Variants in ARHGAP25 observed in about 807,000 individuals in gnomAD.
ARHGAP25 encodes the protein Rho GTPase activating protein 25.
A neutral mutation model predicts 71.0 loss-of-function variants in ARHGAP25; 34 were observed. The observed-to-expected ratio is 0.48, with a 90% confidence interval of 0.36 to 0.64. ARHGAP25 has a LOEUF of 0.64. Ranked by LOEUF, ARHGAP25 falls within the 30% of genes least tolerant of loss-of-function variation. The pLI is 0.00. For missense variants in ARHGAP25, 706 were observed against 805.1 expected, an observed-to-expected ratio of 0.88 and a Z score of 1.49; for synonymous variants, 282 against 296.5, an observed-to-expected ratio of 0.95 and a Z score of 0.50.
At chr2:68,757,083 C>G (rs1225953554) in intron 1 of ARHGAP25, among the ~76,000 whole-genome samples, 1 of 151,804 alleles carries the variant, frequency 6.6e-6, no homozygotes, top group Non-Finnish European at 1.5e-5. Flanking sequence ...AAAGAATCAA[C>G]AAACTTGTAG....
At chr2:68,751,591 A>G (rs888413702) in intron 1 of ARHGAP25, among the ~76,000 whole-genome samples, 7 of 152,212 alleles carry the variant, frequency 4.6e-5, no homozygotes, top group African/African-American at 1.7e-4. Context: ...TATCAGGTTT[A>G]TATTCAGTGT....
intron 2 of ARHGAP25, among the ~76,000 whole-genome samples, chr2:68,729,299 A>G (rs1215482479): frequency 6.6e-6 from 1 of 152,230 alleles, no homozygotes; most frequent in Non-Finnish European, 1.5e-5. Context: ...CAGGTGAAGA[A>G]CAAACATGAG....
intron 3 of ARHGAP25, among the ~76,000 whole-genome samples, chr2:68,786,731 A>G (rs984338863): frequency 6.6e-6 from 1 of 152,252 alleles, no homozygotes; most frequent in East Asian, 1.9e-4. Flanking sequence ...GGTCCAAGAG[A>G]CCAGAACCAA....
At chr2:68,735,290 T>A in intron 1 of ARHGAP25, 30 bp downstream of exon 1, 1 of 1,604,928 alleles carries the variant, frequency 6.2e-7, no homozygotes, top group Non-Finnish European at 8.5e-7. Context: ...GTTGCCTCTG[T>A]GATTCTTACG....
At chr2:68,778,933 C>T (rs534248233) in intron 2 of ARHGAP25, among the ~76,000 whole-genome samples, 2 of 152,312 alleles carry the variant, frequency 1.3e-5, no homozygotes, top group South Asian at 2.1e-4. Flanking sequence ...CCAGTTTTAA[C>T]GGTTTAAGGC....
At chr2:68,806,856 G>A (rs1680409901) in intron 4 of ARHGAP25, among the ~76,000 whole-genome samples, 1 of 152,184 alleles carries the variant, frequency 6.6e-6, no homozygotes, top group Non-Finnish European at 1.5e-5. Context: ...GGAGTTCACT[G>A]CCTAGGCCTG....
chr2:68,809,237 C>T (rs981227545), intron 5 of ARHGAP25, among the ~76,000 whole-genome samples: 1 of 152,136 alleles, frequency 6.6e-6, no homozygotes, highest in African/African-American at 2.4e-5. Flanking sequence ...TACTCCCCTA[C>T]TTCTCATTCC....
chr2:68,727,611 ACT>A (rs1162198467), intron 2 of ARHGAP25, among the ~76,000 whole-genome samples: 6 of 152,076 alleles, frequency 3.9e-5, no homozygotes, highest in African/African-American at 1.4e-4. Context: ...TCACCTTCTG[ACT>A]CTCCTGGAGT....
intron 1 of ARHGAP25, among the ~76,000 whole-genome samples, chr2:68,747,127 CTCG>C (rs1312291164): frequency 6.6e-6 from 1 of 151,800 alleles, no homozygotes; most frequent in African/African-American, 2.4e-5. Context: ...AGCATCTGTC[CTCG>C]TCTTACTCAA....
chr2:68,821,182 G>A (rs1420599435), intron 9 of ARHGAP25, among the ~76,000 whole-genome samples: 2 of 134,726 alleles, frequency 1.5e-5, no homozygotes, highest in Non-Finnish European at 1.5e-5. Flanking sequence ...CTGCAGCCTT[G>A]ACCTCCTGCT....
At chr2:68,774,726 C>G in intron 1 of ARHGAP25, 5 of 1,007,386 alleles carry the variant, frequency 5.0e-6, no homozygotes, top group Non-Finnish European at 5.9e-6. Flanking sequence ...GTCTTGCGGC[C>G]CCTCCTCTAG....
At chr2:68,719,357 C>T (rs1674695386) in intron 2 of ARHGAP25, among the ~76,000 whole-genome samples, 1 of 147,982 alleles carries the variant, frequency 6.8e-6, no homozygotes, top group Non-Finnish European at 1.5e-5. Flanking sequence ...ATGCTAACTC[C>T]AGGTAGATAG....
At chr2:68,773,227 T>C (rs1405314409) in intron 1 of ARHGAP25, among the ~76,000 whole-genome samples, 1 of 152,174 alleles carries the variant, frequency 6.6e-6, no homozygotes, top group Non-Finnish European at 1.5e-5. Context: ...ACAGAAAGAC[T>C]CTGTAATGCC....
In ARHGAP25 at chr2:68,767,259, A is replaced by T. The variant is rs1178993671; in HGVS notation, c.62-7962A>T. ...TCAAAAGAATGATGGGTGCTTTTCAATGGGGGGGTGGCGTTTGCTTTGAAG... is the reference window on the plus strand; with the variant it reads ...TCAAAAGAATGATGGGTGCTTTTCATTGGGGGGGTGGCGTTTGCTTTGAAG... On this transcript the variant is annotated intron_variant, in intron 1 of 10. Transcript: ENST00000409202. The surrounding 1 kb of genome is among the most constrained non-coding windows in gnomAD (Gnocchi z 4.6). 1.3e-5 allele frequency among the ~76,000 whole-genome samples: 2 copies of T among 152,064 alleles called. No individual in the cohort carries two copies. Among genetic ancestry groups the T allele is most frequent in the African/African-American group, 4.8e-5 (2 of 41,372 alleles).
intron 2 of ARHGAP25, among the ~76,000 whole-genome samples, chr2:68,710,856 C>A (rs1356166859): frequency 6.6e-6 from 1 of 152,098 alleles, no homozygotes; most frequent in African/African-American, 2.4e-5. Flanking sequence ...GAGATGGAGG[C>A]AAAATTGGCT....
At chr2:68,712,506 A>G (rs1674510005) in intron 2 of ARHGAP25, among the ~76,000 whole-genome samples, 1 of 152,170 alleles carries the variant, frequency 6.6e-6, no homozygotes, top group African/African-American at 2.4e-5. Flanking sequence ...GAAGCTCTTT[A>G]GTTTAATTAG....
chr2:68,766,268 C>T (rs996975474), intron 1 of ARHGAP25, among the ~76,000 whole-genome samples: 6 of 152,218 alleles, frequency 3.9e-5, no homozygotes, highest in South Asian at 2.1e-4. Flanking sequence ...CTTACACTAA[C>T]GCCTGGGAAA....
upstream of ARHGAP25, among the ~76,000 whole-genome samples, chr2:68,730,452 T>G (rs997124401): frequency 6.6e-6 from 1 of 152,112 alleles, no homozygotes; most frequent in Non-Finnish European, 1.5e-5. Flanking sequence ...GAGACCAGCC[T>G]GGGCAACATA....
chr2:68,734,825 ACCT>A lies in ARHGAP25; in HGVS notation c.-373_-371del, dbSNP rs1159087005. The A allele has an allele frequency of 4.2e-5, 11 of 259,828 alleles. No individual in the cohort carries two copies. In the East Asian group the frequency reaches 9.5e-4, roughly 22 times the overall value. 16.1% of individuals were successfully genotyped at this position (259,828 alleles called of 1,614,324 possible). On this transcript the variant is annotated 5_prime_UTR_variant, in exon 1 of 11. Coordinates refer to ENST00000409202, the MANE Select transcript of ARHGAP25 (RefSeq NM_001007231.3). ...CAAGAGGCAGCAGTTGTTTATCACG[ACCT>A]CAACTCAGTAAGGCCTGAGATTCTT...
Sources: gnomAD v4.1 joint callset for allele counts (sites outside exome capture counted in the v4.1 genomes callset) on GRCh38, gnomAD v4.1.1 for gene constraint, Gnocchi (gnomAD v3.1) non-coding constraint, MANE v1.5 for transcripts, NCBI Gene and HGNC (gene_info 2026-07-23, HGNC 2026-07-21) for gene names.